Variants in LUC7L2 observed in about 807,000 individuals in gnomAD.
LUC7L2 encodes the protein putative RNA-binding protein Luc7-like 2.
LUC7L2 carries 25 observed loss-of-function variants against 52.8 expected under a neutral mutation model. The ratio of observed to expected loss-of-function variants is 0.47; its 90% CI spans 0.34 to 0.66. LUC7L2 has a LOEUF of 0.66. Among genes scored for constraint, LUC7L2 ranks in the 30% least tolerant of loss-of-function variants. The pLI is 0.01. For missense variants in LUC7L2, 328 were observed against 497.8 expected (o/e 0.66, Z 3.25); for synonymous variants, 144 against 160.9 (o/e 0.89, Z 0.80).
At chr7:139,393,408 G>A (rs1585110344) in intron 2 of LUC7L2, among the ~76,000 whole-genome samples, 1 of 151,926 alleles carries the variant, frequency 6.6e-6, no homozygotes, top group Non-Finnish European at 1.5e-5. Flanking sequence ...CCAGACTGGG[G>A]GACAGAGTGA....
chr7:139,385,165 T>C (rs1000849424), intron 2 of LUC7L2, among the ~76,000 whole-genome samples: 1 of 152,156 alleles, frequency 6.6e-6, no homozygotes, highest in African/African-American at 2.4e-5. Context: ...GATGTTTATT[T>C]AATGAATTTT....
rs140889882 is a variant in LUC7L2, at chr7:139,368,355, T to A, written c.62-7707T>A. Reference sequence around the variant, plus strand: ...GATAGTGATTATAGGTGTCTGCATTTAAAAAAATGTTTTAAAAAGTACAGA... The same window carrying A: ...GATAGTGATTATAGGTGTCTGCATTAAAAAAAATGTTTTAAAAAGTACAGA... On this transcript the variant is annotated intron_variant, in intron 1 of 9. Transcript: ENST00000354926. Among the ~76,000 whole-genome samples, 1,120 of 152,300 alleles carry A rather than the reference T, an allele frequency of 7.4e-3. 3 individuals are homozygous for A. The highest frequency in any genetic ancestry group is 0.011 in the Non-Finnish European group (752 of 68,022).
chr7:139,418,372 C>A (rs1429550512), intron 9 of LUC7L2, among the ~76,000 whole-genome samples: 1 of 152,194 alleles, frequency 6.6e-6, no homozygotes, highest in Non-Finnish European at 1.5e-5. Flanking sequence ...CATTCATAGT[C>A]TGTATAGATC....
intron 2 of LUC7L2, among the ~76,000 whole-genome samples, chr7:139,387,417 A>G (rs1794251293): frequency 6.7e-6 from 1 of 148,620 alleles, no homozygotes; most frequent in South Asian, 2.1e-4. Context: ...CTGGTCTTGA[A>G]CTCCTGCTCA....
At chr7:139,382,976 A>G (rs1417967946) in intron 2 of LUC7L2, among the ~76,000 whole-genome samples, 1 of 151,816 alleles carries the variant, frequency 6.6e-6, no homozygotes, top group Non-Finnish European at 1.5e-5. Flanking sequence ...CCCAGGCTGG[A>G]GTGCACTGGT....
intron 1 of LUC7L2, among the ~76,000 whole-genome samples, chr7:139,353,873 G>A (rs1799530673): frequency 1.3e-5 from 2 of 152,098 alleles, no homozygotes; most frequent in Non-Finnish European, 2.9e-5. Flanking sequence ...CCAGCACTTT[G>A]AGAGGTCGAG....
chr7:139,371,327 A>G, intron 1 of LUC7L2: 3 of 730,176 alleles, frequency 4.1e-6, no homozygotes, highest in Non-Finnish European at 7.5e-6. Context: ...TATGTCAAAT[A>G]TTACAAACTT....
At chr7:139,377,209 A>G (rs1027911368) in intron 2 of LUC7L2, among the ~76,000 whole-genome samples, 1 of 152,080 alleles carries the variant, frequency 6.6e-6, no homozygotes, top group Admixed American at 6.6e-5. Flanking sequence ...TTATTTATTT[A>G]TTTATTTTTT....
chr7:139,357,317 C>G (rs1276857404), upstream of LUC7L2, among the ~76,000 whole-genome samples: 1 of 152,030 alleles, frequency 6.6e-6, no homozygotes, highest in Non-Finnish European at 1.5e-5. Flanking sequence ...TCAATGCTTC[C>G]AAGAGTGAAC....
At chr7:139,342,088 A>G (rs536761246) in intron 1 of LUC7L2, among the ~76,000 whole-genome samples, 1 of 152,336 alleles carries the variant, frequency 6.6e-6, no homozygotes, top group Admixed American at 6.5e-5. Context: ...GTCAGAATGT[A>G]AAATCTTAGA....
chr7:139,396,081 C>G (rs1476072901), intron 2 of LUC7L2, among the ~76,000 whole-genome samples: 1 of 152,150 alleles, frequency 6.6e-6, no homozygotes, highest in African/African-American at 2.4e-5. Flanking sequence ...TTGAACATCT[C>G]ATTTATCTGG....
At chr7:139,346,673 C>T (rs1322431089) in intron 1 of LUC7L2, among the ~76,000 whole-genome samples, 1 of 152,168 alleles carries the variant, frequency 6.6e-6, no homozygotes, top group Admixed American at 6.5e-5. Context: ...GTTCTAACCT[C>T]CCTAGGCCTG....
rs116963370 is a variant in LUC7L2, at chr7:139,369,155, C to T, written c.62-6907C>T. On this transcript the variant is annotated intron_variant, in intron 1 of 9. Coordinates refer to ENST00000354926, the MANE Select transcript of LUC7L2 (RefSeq NM_016019.5). ...TTGCTTGATAGCCAAAGATAGCTTT[C>T]GTTACTTCTAATTTTGTATATAGAA... Among the ~76,000 whole-genome samples, 94 of 152,154 alleles carry T rather than the reference C, an allele frequency of 6.2e-4. No individual in the cohort carries two copies. In the East Asian group the frequency reaches 9.2e-3, roughly 15 times the overall value.
intron 2 of LUC7L2, among the ~76,000 whole-genome samples, chr7:139,388,090 C>G (rs1405613594): frequency 6.6e-6 from 1 of 152,160 alleles, no homozygotes; most frequent in Admixed American, 6.5e-5. Context: ...TACCCTGTAA[C>G]AATTTAGCCT....
intron 1 of LUC7L2, among the ~76,000 whole-genome samples, chr7:139,362,665 ACT>A (rs1257818653): frequency 7.2e-6 from 1 of 138,810 alleles, no homozygotes; most frequent in Non-Finnish European, 1.5e-5. Flanking sequence ...TAAAGCAGCG[ACT>A]CTCTTTTTTG....
chr7:139,349,229 C>T (rs1799370659), intron 1 of LUC7L2, among the ~76,000 whole-genome samples: 1 of 152,160 alleles, frequency 6.6e-6, no homozygotes, highest in African/African-American at 2.4e-5. Context: ...AAGAGAAAAT[C>T]TTACTGTTTG....
Position 139,405,583 on chromosome 7 carries a change from CT to C in LUC7L2, c.367-58del, listed in dbSNP as rs1347264541. The C allele has an allele frequency of 6.3e-5, 95 of 1,507,242 alleles. 1 individual carries two copies. In the South Asian group the frequency reaches 9.9e-4, roughly 16 times the overall value. 93.4% of individuals were successfully genotyped at this position (1,507,242 alleles called of 1,614,324 possible). ...GTTTTTTCTCAGCAGTTCTGAAATACTTTGAAATTTAAAATTCATTCTCTTG... is the reference window on the plus strand; with the variant it reads ...GTTTTTTCTCAGCAGTTCTGAAATACTTGAAATTTAAAATTCATTCTCTTG... On this transcript the variant is annotated intron_variant, in intron 4 of 9. Coordinates refer to ENST00000354926, the MANE Select transcript of LUC7L2 (RefSeq NM_016019.5).
At chr7:139,394,480 TTTGG>T (rs1794578924) in intron 2 of LUC7L2, among the ~76,000 whole-genome samples, 1 of 152,204 alleles carries the variant, frequency 6.6e-6, no homozygotes. Context: ...CTTTTCTTCC[TTTGG>T]TTGGTTGTGT....
intron 2 of LUC7L2, among the ~76,000 whole-genome samples, chr7:139,391,590 C>CT (rs1350273443): frequency 3.3e-5 from 5 of 150,618 alleles, no homozygotes; most frequent in South Asian, 2.1e-4. Flanking sequence ...AAATTGGCTT[C>CT]TTTTTTTTTG....
Sources: allele counts gnomAD v4.1 joint callset (sites outside exome capture counted in the v4.1 genomes callset), GRCh38; gene constraint gnomAD v4.1.1; transcripts MANE v1.5; gene names NCBI Gene and HGNC (gene_info 2026-07-23, HGNC 2026-07-21).